Variants in DUSP16 observed in about 807,000 individuals in gnomAD.
The protein encoded by DUSP16 is dual specificity phosphatase 16.
In DUSP16, 21 loss-of-function variants were observed where a neutral mutation model predicts 58.3. That is an observed-to-expected ratio of 0.36 (90% confidence interval 0.26 to 0.52). The LOEUF is 0.52. DUSP16 is among the 20% of genes least tolerant of loss of function. The probability of loss-of-function intolerance (pLI) is 0.94; values close to 1 mark genes in which losing one functional copy is unlikely to be tolerated. For synonymous variants in DUSP16, 320 were observed against 323.8 expected (o/e 0.99, Z 0.12); for missense variants, 726 against 819.0 (o/e 0.89, Z 1.39).
In DUSP16 at chr12:12,517,839, C is replaced by T. The variant is rs574607118; in HGVS notation, c.367+2023G>A. ...CTGCCTCCATGGACTTGCCGTTAGG[C>T]CTAAGAAACACTTCCTGTTTGAAAC... On this transcript the variant is annotated intron_variant, in intron 3 of 6. Coordinates refer to ENST00000298573, the MANE Select transcript of DUSP16 (RefSeq NM_030640.3). Among the ~76,000 whole-genome samples the T allele has an allele frequency of 1.6e-4, 25 of 152,314 alleles. 1 individual carries two copies. The South Asian group carries it at 4.6e-3, about 28-fold the overall frequency.
At chr12:12,542,760 T>C (rs1207899194) in intron 1 of DUSP16, among the ~76,000 whole-genome samples, 2 of 152,048 alleles carry the variant, frequency 1.3e-5, no homozygotes, top group East Asian at 3.9e-4. Flanking sequence ...CACAAGTAAA[T>C]GTAGAACACG....
At chr12:12,537,188 A>G (rs561151262) in intron 1 of DUSP16, among the ~76,000 whole-genome samples, 2 of 152,356 alleles carry the variant, frequency 1.3e-5, no homozygotes, top group Admixed American at 6.5e-5. Flanking sequence ...AAAACTATAT[A>G]TATTTTTAAT....
At chr12:12,520,051 C>T (rs761590330) in intron 2 of DUSP16, 51 bp from the exon 3 acceptor site, 3 of 1,593,614 alleles carry the variant, frequency 1.9e-6, no homozygotes, top group Non-Finnish European at 8.6e-7. Context: ...AAAGTAATCT[C>T]AAACTACTGC....
intron 3 of DUSP16, among the ~76,000 whole-genome samples, chr12:12,515,082 G>GA (rs140609229): frequency 6.6e-6 from 1 of 151,774 alleles, no homozygotes; most frequent in South Asian, 2.1e-4. Flanking sequence ...TTATTAAAAA[G>GA]AAAAAATATA....
At chr12:12,555,145 G>C (rs1021791789) in intron 1 of DUSP16, among the ~76,000 whole-genome samples, 5 of 152,212 alleles carry the variant, frequency 3.3e-5, no homozygotes, top group African/African-American at 1.2e-4. Flanking sequence ...AAGAGAAGGA[G>C]CTGTTACACT....
chr12:12,505,768 C>T (rs1943985998), intron 3 of DUSP16, among the ~76,000 whole-genome samples: 1 of 152,140 alleles, frequency 6.6e-6, no homozygotes, highest in Non-Finnish European at 1.5e-5. Flanking sequence ...CATTGTTCAG[C>T]TTCAAAACAA....
rs1378440633 is a variant in DUSP16, at chr12:12,562,625, G to C, written c.-874C>G. On this transcript the variant is annotated 5_prime_UTR_variant, in exon 1 of 7. Transcript: ENST00000298573. ...TCGCTGGTCAGGAAACTTCAAGCGC[G>C]GATGAGGTCATTGGTTTAAAAATAA... Among the ~76,000 whole-genome samples the C allele has an allele frequency of 6.6e-6, 1 of 152,048 alleles. No individual in the cohort carries two copies. Among genetic ancestry groups the C allele is most frequent in the Non-Finnish European group, 1.5e-5 (1 of 67,946 alleles).
chr12:12,540,944 C>CTTTTTTTTTTTTTTTTTTTT (rs1199026965), intron 1 of DUSP16, among the ~76,000 whole-genome samples: 2 of 100,682 alleles, frequency 2.0e-5, no homozygotes, highest in African/African-American at 8.1e-5. Context: ...CTTTTCTTTT[C>CTTTTTTTTTTTTTTTTTTTT]TTTTCTTTTT....
rs749819422 is a variant in DUSP16, at chr12:12,492,331, C to T, written c.532-5144G>A. On this transcript the variant is annotated intron_variant, in intron 4 of 6. Coordinates refer to ENST00000298573, the MANE Select transcript of DUSP16 (RefSeq NM_030640.3). ...TCCTACTACAATGGAAAAACTGAAACAGTCAGAGGCAAATTTTGATAGACT... is the reference window on the plus strand; with the variant it reads ...TCCTACTACAATGGAAAAACTGAAATAGTCAGAGGCAAATTTTGATAGACT... Among the ~76,000 whole-genome samples the T allele has an allele frequency of 6.3e-4, 95 of 151,076 alleles. 1 individual carries two copies. Among genetic ancestry groups the T allele is most frequent in the Non-Finnish European group, 8.9e-4 (60 of 67,692 alleles).
At chr12:12,540,343 A>G (rs1480249954) in intron 1 of DUSP16, among the ~76,000 whole-genome samples, 2 of 152,080 alleles carry the variant, frequency 1.3e-5, no homozygotes, top group African/African-American at 4.8e-5. Flanking sequence ...ATATATAAAA[A>G]TATAAATTAA....
chr12:12,532,896 C>G, intron 1 of DUSP16, among the ~76,000 whole-genome samples: 1 of 148,612 alleles, frequency 6.7e-6, no homozygotes, highest in Non-Finnish European at 1.5e-5. Flanking sequence ...TGCAGTGAGC[C>G]GGGATCGCTC....
At chr12:12,518,719 A>G (rs1397923809) in intron 3 of DUSP16, among the ~76,000 whole-genome samples, 1 of 152,216 alleles carries the variant, frequency 6.6e-6, no homozygotes, top group Non-Finnish European at 1.5e-5. Flanking sequence ...ATCTAATATT[A>G]TAATTCTCAG....
intron 3 of DUSP16, among the ~76,000 whole-genome samples, chr12:12,514,603 C>G (rs531341628): frequency 1.7e-4 from 26 of 152,282 alleles, no homozygotes; most frequent in Non-Finnish European, 3.4e-4. Context: ...GGAGAAAAAA[C>G]AAGAACAGGC....
chr12:12,504,631 A>G (rs1943959581), intron 3 of DUSP16, among the ~76,000 whole-genome samples: 1 of 150,814 alleles, frequency 6.6e-6, no homozygotes, highest in Non-Finnish European at 1.5e-5. Context: ...AGTTCCTGGA[A>G]TGGTTGTCAT....
rs1445194857 is a variant in DUSP16 at position 12,486,944 on chromosome 12, A to G, written c.691+84T>C. The G allele has an allele frequency of 2.0e-6, 3 of 1,514,958 alleles. No individual in the cohort carries two copies. The East Asian group carries it at 6.9e-5, about 35-fold the overall frequency. 93.8% of individuals were successfully genotyped at this position (1,514,958 alleles called of 1,614,324 possible). Reference sequence around the variant, plus strand: ...TCTCTGAAATAGGCTCCTTTTCTCTAAAGAAAAAATGGGGGGCTGAGGGGG... The same window carrying G: ...TCTCTGAAATAGGCTCCTTTTCTCTGAAGAAAAAATGGGGGGCTGAGGGGG... On this transcript the variant is annotated intron_variant, in intron 5 of 6. Coordinates refer to ENST00000298573, the MANE Select transcript of DUSP16 (RefSeq NM_030640.3).
intron 4 of DUSP16, among the ~76,000 whole-genome samples, chr12:12,487,555 G>A (rs17312766): frequency 0.056 from 8,517 of 152,156 alleles, 331 homozygotes; most frequent in Non-Finnish European, 0.088. Flanking sequence ...CACGGAACAC[G>A]CTGGTTCTCT....
At chr12:12,479,711 TCAAA>T in intron 6 of DUSP16, among the ~76,000 whole-genome samples, 1 of 152,112 alleles carries the variant, frequency 6.6e-6, no homozygotes, top group Non-Finnish European at 1.5e-5. Flanking sequence ...GGCAACCCAG[TCAAA>T]ATCACACACA....
intron 1 of DUSP16, among the ~76,000 whole-genome samples, chr12:12,543,343 A>G (rs1944593547): frequency 6.6e-6 from 1 of 152,232 alleles, no homozygotes; most frequent in Non-Finnish European, 1.5e-5. Flanking sequence ...GTTCAGAAAA[A>G]TGTATCATAT....
In DUSP16 at chr12:12,477,182, G is replaced by C; in HGVS notation, c.1649C>G (p.Thr550Ser). The C allele has an allele frequency of 1.2e-6, 2 of 1,614,220 alleles. No homozygotes were observed. Among genetic ancestry groups the C allele is most frequent in the South Asian group, 2.2e-5 (2 of 91,088 alleles). Residue 550 changes from threonine to serine, a missense_variant, in exon 7 of 7, where the codon ACC (threonine) becomes AGC (serine). Physicochemically the swap from Thr to Ser is moderately conservative, Grantham distance 58. Transcript: ENST00000298573. This position sits in a 1 kb window ranked among gnomAD's most constrained non-coding sequence, Gnocchi z 4.1. ...ATACCAGCTGCTGGTCAGGGAAGGGGTAGAGGTCTGGGGGGCCAAGATATC... is the reference window on the plus strand; with the variant it reads ...ATACCAGCTGCTGGTCAGGGAAGGGCTAGAGGTCTGGGGGGCCAAGATATC... ...HSDILAPQTSTPSLTSSWYFA... is the reference protein window; with the variant it reads ...HSDILAPQTSSPSLTSSWYFA...
Sources: gnomAD v4.1 joint callset for allele counts (sites outside exome capture counted in the v4.1 genomes callset) on GRCh38, gnomAD v4.1.1 for gene constraint, Gnocchi (gnomAD v3.1) non-coding constraint, MANE v1.5 for transcripts, NCBI Gene and HGNC (gene_info 2026-07-23, HGNC 2026-07-21) for gene names.